The following LBR variants were observed in gnomAD, a reference collection of about 807,000 sequenced individuals.
LBR encodes delta(14)-sterol reductase LBR.
LBR carries 28 observed loss-of-function variants against 74.3 expected under a neutral mutation model. The ratio of observed to expected loss-of-function variants is 0.38; its 90% CI spans 0.28 to 0.52. The LOEUF (loss-of-function observed/expected upper bound fraction) is 0.52, where lower values mean the gene tolerates loss of function less well. LBR is among the 20% of genes least tolerant of loss of function. The pLI, the probability that LBR is intolerant of heterozygous loss-of-function variation, is 0.89. For synonymous variants in LBR, 228 were observed against 269.3 expected (o/e 0.85, Z 1.50); for missense variants, 717 against 760.3 (o/e 0.94, Z 0.67).
rs2096113955 is a variant in LBR, at chr1:225,414,806, C to A, written c.892+472G>T. ...AACAGAGCAGGGGAGAGAAAGGGAC[C>A]TGAAGGCTTCTCTCAGCAGAAGACA... On this transcript the variant is annotated intron_variant, in intron 7 of 13. Coordinates refer to ENST00000272163, the MANE Select transcript of LBR (RefSeq NM_002296.4). 2.0e-5 allele frequency among the ~76,000 whole-genome samples: 3 copies of A among 152,194 alleles called. No individual in the cohort carries two copies. The South Asian group carries it at 6.2e-4, about 32-fold the overall frequency.
chr1:225,413,720 A>T (rs1169116915), intron 7 of LBR, among the ~76,000 whole-genome samples: 1 of 152,262 alleles, frequency 6.6e-6, no homozygotes, highest in African/African-American at 2.4e-5. Context: ...GATTAAAAAT[A>T]ATCATCCAAA....
chr1:225,417,212 A>G (rs2096118917), intron 6 of LBR, among the ~76,000 whole-genome samples: 1 of 152,212 alleles, frequency 6.6e-6, no homozygotes, highest in Non-Finnish European at 1.5e-5. Context: ...CCACAGTATT[A>G]AGCCTGCAGC....
At chr1:225,421,179 T>C (rs1347701000) in intron 3 of LBR, among the ~76,000 whole-genome samples, 1 of 152,218 alleles carries the variant, frequency 6.6e-6, no homozygotes, top group Non-Finnish European at 1.5e-5. Context: ...AGTATGTATA[T>C]AATCCAGTTT....
intron 5 of LBR, 31 bp downstream of exon 5, chr1:225,419,232 T>A (rs1234141470): frequency 6.2e-7 from 1 of 1,609,500 alleles, no homozygotes; most frequent in Admixed American, 1.7e-5. Flanking sequence ...TCACCCCACC[T>A]GCCCTCTCTG....
In LBR at chr1:225,411,382, A is replaced by G. The variant is rs755516562; in HGVS notation, c.1143T>C (p.Phe381=). 1.9e-6 allele frequency: 3 copies of G among 1,614,188 alleles called. No homozygotes were observed. Among genetic ancestry groups the G allele is most frequent in the Non-Finnish European group, 2.5e-6 (3 of 1,179,974 alleles). Residue 381 remains phenylalanine (F), a synonymous_variant, in exon 9 of 14, where the codon TTT becomes TTC. Coordinates refer to ENST00000272163, the MANE Select transcript of LBR (RefSeq NM_002296.4). The part of the protein sequence containing the change: ...GRELNPRIGT[F]DLKYFCELRP... ...GCAATTCACAAAAGTATTTGAGATCAAAAGTACCAATTCGAGGGTTTAATT... is the reference window on the plus strand; with the variant it reads ...GCAATTCACAAAAGTATTTGAGATCGAAAGTACCAATTCGAGGGTTTAATT...
chr1:225,419,249 G>C lies in LBR; in HGVS notation c.640+14C>G, dbSNP rs2096123065. ...ACCCCACCTGCCCTCTCTGGGCCCA[G>C]CTCTGAGGCCTACCAGGTACTCCTC... On this transcript the variant is annotated intron_variant, in intron 5 of 13. Coordinates refer to ENST00000272163, the MANE Select transcript of LBR (RefSeq NM_002296.4). 2 of 1,613,768 alleles carry C rather than the reference G, an allele frequency of 1.2e-6. No homozygotes were observed. The highest frequency in any genetic ancestry group is 2.7e-5 in the African/African-American group (2 of 74,904).
intron 11 of LBR, among the ~76,000 whole-genome samples, chr1:225,405,765 C>A (rs1434428726): frequency 6.6e-6 from 1 of 152,176 alleles, no homozygotes; most frequent in East Asian, 1.9e-4. Flanking sequence ...CCATTTTTAG[C>A]TGAACTATAA....
intron 6 of LBR, among the ~76,000 whole-genome samples, 161 bp from the exon 7 acceptor site, chr1:225,415,493 C>T (rs915506284): frequency 4.6e-5 from 7 of 152,162 alleles, no homozygotes; most frequent in Admixed American, 6.5e-5. Context: ...TTCAAAAACC[C>T]TAGTGGCAAG....
At chr1:225,406,481 C>A in intron 11 of LBR, 183 bp downstream of exon 11, 1 of 575,644 alleles carries the variant, frequency 1.7e-6, no homozygotes, top group Non-Finnish European at 3.1e-6. Flanking sequence ...ACTGAGAACC[C>A]AAGTACGAAC....
chr1:225,421,993 T>G (rs1458207396), intron 3 of LBR, 84 bp downstream of exon 3: 2 of 1,312,668 alleles, frequency 1.5e-6, no homozygotes, highest in Admixed American at 3.4e-5. Context: ...CAGTGACATT[T>G]TAATATTATT....
At chr1:225,411,703 C>T (rs915716875) in intron 8 of LBR, among the ~76,000 whole-genome samples, 4 of 152,218 alleles carry the variant, frequency 2.6e-5, no homozygotes, top group African/African-American at 9.6e-5. Context: ...CATGGGGGCC[C>T]CCCCAAAGGA....
rs969816905 is a variant in LBR, at chr1:225,402,355, T to C, written c.*948A>G. ...CGATCTGTGTAAAAATGTTTAAATA[T>C]TGATGTTACTCCAAAAATATATACT... On this transcript the variant is annotated 3_prime_UTR_variant, in exon 14 of 14. Transcript: ENST00000272163. 51 of 152,348 alleles carry C rather than the reference T, an allele frequency of 3.3e-4. No homozygotes were observed. Among genetic ancestry groups the C allele is most frequent in the African/African-American group, 1.2e-3 (51 of 41,592 alleles). The allele number at this position is 152,348 out of a possible 1,614,324, so 9.4% of individuals were successfully genotyped here.
chr1:225,426,368 C>G (rs548521584), intron 1 of LBR, among the ~76,000 whole-genome samples: 1 of 152,330 alleles, frequency 6.6e-6, no homozygotes, highest in African/African-American at 2.4e-5. Flanking sequence ...AGTCAAGATA[C>G]ACACAGGATT....
In LBR at chr1:225,423,943, T is replaced by C; in HGVS notation, c.133A>G (p.Thr45Ala). Reference sequence around the variant, plus strand: ...TCATTCTCTTTCAATTCAAGCTCTGTTCCATCTTTATACTTCACAGTGTAA... The same window carrying C: ...TCATTCTCTTTCAATTCAAGCTCTGCTCCATCTTTATACTTCACAGTGTAA... ...QLYTVKYKDG[T>A]ELELKENDIK... is the part of the protein sequence containing the mutation. The change falls in exon 2 of 14, where the codon ACA becomes GCA. Residue 45 changes from threonine (T) to alanine (A), a missense_variant. Transcript: ENST00000272163. 1 of 1,613,970 alleles carries C rather than the reference T, an allele frequency of 6.2e-7. No homozygotes were observed. Among genetic ancestry groups the C allele is most frequent in the Non-Finnish European group, 8.5e-7 (1 of 1,179,812 alleles).
In LBR at chr1:225,403,362, C is replaced by G. The variant is rs371589487; in HGVS notation, c.1789G>C (p.Val597Leu). The G allele has an allele frequency of 2.9e-5, 46 of 1,612,744 alleles. No homozygotes were observed. The Admixed American group carries it at 7.5e-4, about 26-fold the overall frequency. The change falls in exon 14 of 14, where the codon GTG becomes CTG. Residue 597 changes from valine to leucine, a missense_variant. Transcript: ENST00000272163. ...DEYHCKKKYG[V>L]AWEKYCQRVP... ...CGCTGACAGTACTTTTCCCAAGCCACGCCGTATTTCTTCTTACAGTGGTAC... is the reference window on the plus strand; with the variant it reads ...CGCTGACAGTACTTTTCCCAAGCCAGGCCGTATTTCTTCTTACAGTGGTAC...
In LBR at chr1:225,422,225, G is replaced by GA; in HGVS notation, c.217dup (p.Ser73PhefsTer20). ...CCTTGATCGACTCCCTCGGCGTCTG[G>GA]AAGGGGAACTGGAAGTTGAGCCACC... On this transcript the variant is annotated frameshift_variant, in exon 3 of 14. Coordinates refer to ENST00000272163, the MANE Select transcript of LBR (RefSeq NM_002296.4). LOFTEE classifies it high-confidence loss of function. 1 of 1,613,948 alleles carries GA rather than the reference G, an allele frequency of 6.2e-7. No homozygotes were observed. The highest frequency in any genetic ancestry group is 8.5e-7 in the Non-Finnish European group (1 of 1,180,032).
Position 225,406,717 on chromosome 1 carries a change from C to G in LBR, c.1430G>C (p.Ser477Thr), listed in dbSNP as rs371531855. 59 of 1,613,698 alleles carry G rather than the reference C, an allele frequency of 3.7e-5. No homozygotes were observed. Among genetic ancestry groups the G allele is most frequent in the Non-Finnish European group, 4.7e-5 (55 of 1,179,942 alleles). ...IYSFQAFYLV[S>T]HPNEVSWPMA... The stretch of plus-strand genomic sequence containing the variant: ...TGGCCAAGACACTTCATTTGGATGA[C>G]TGACTAAATAAAAGGCTTGGAAGCT... Residue 477 changes from serine to threonine, a missense_variant, in exon 11 of 14, where the codon AGT (serine) becomes ACT (threonine). Ser to Thr is a moderately conservative substitution (Grantham distance 58, BLOSUM62 1). Transcript: ENST00000272163.
intron 11 of LBR, 118 bp downstream of exon 11, chr1:225,406,546 A>T (rs2096092059): frequency 1.1e-6 from 1 of 889,408 alleles, no homozygotes; most frequent in Non-Finnish European, 1.7e-6. Flanking sequence ...AAATGGCTTC[A>T]AACTGAGCTA....
rs1367988455 is a variant in LBR at position 225,402,615 on chromosome 1, C to A, written c.*688G>T. ...ATGTTTTGTTAAAAAGACAGTTAGT[C>A]CTGACAATCATCTCACATTCAAAAT... On this transcript the variant is annotated 3_prime_UTR_variant, in exon 14 of 14. Coordinates refer to ENST00000272163, the MANE Select transcript of LBR (RefSeq NM_002296.4). 2 of 152,532 alleles carry A rather than the reference C, an allele frequency of 1.3e-5. No homozygotes were observed. The highest frequency in any genetic ancestry group is 1.5e-5 in the Non-Finnish European group (1 of 67,998). 9.4% of individuals were successfully genotyped at this position (152,532 alleles called of 1,614,324 possible).
Sources: gnomAD v4.1 joint callset for allele counts (sites outside exome capture counted in the v4.1 genomes callset) on GRCh38, gnomAD v4.1.1 for gene constraint, MANE v1.5 for transcripts, NCBI Gene and HGNC (gene_info 2026-07-23, HGNC 2026-07-21) for gene names.